NXPH3: variants seen among roughly 807,000 people sequenced by gnomAD.
NXPH3 encodes the protein neurexophilin-3.
NXPH3 carries 7 observed loss-of-function variants against 18.8 expected under a neutral mutation model. That is an observed-to-expected ratio of 0.37 (90% CI 0.21 to 0.70). The LOEUF (loss-of-function observed/expected upper bound fraction) is 0.70, where lower values mean the gene tolerates loss of function less well. Among genes scored for constraint, NXPH3 ranks in the 30% least tolerant of loss-of-function variants. The probability of loss-of-function intolerance (pLI) is 0.53; values close to 1 mark genes in which losing one functional copy is unlikely to be tolerated. For missense variants in NXPH3, 282 were observed against 338.1 expected, an observed-to-expected ratio of 0.83 and a Z score of 1.30; for synonymous variants, 101 against 137.3, an observed-to-expected ratio of 0.74 and a Z score of 1.85.
rs1040673009 is a variant in NXPH3 at position 49,579,374 on chromosome 17, C to T, written c.*74C>T. The T allele has an allele frequency of 1.5e-5, 20 of 1,335,370 alleles. No individual in the cohort carries two copies. Among genetic ancestry groups the T allele is most frequent in the East Asian group, 9.3e-5 (4 of 43,008 alleles). 82.7% of individuals were successfully genotyped at this position (1,335,370 alleles called of 1,614,324 possible). On this transcript the variant is annotated 3_prime_UTR_variant, in exon 2 of 2. Coordinates refer to ENST00000328741, the MANE Select transcript of NXPH3 (RefSeq NM_007225.4). This position sits in a 1 kb window ranked among gnomAD's most constrained non-coding sequence, Gnocchi z 6.0. ...CCCATGCAGGAGACCATCTGGACAC[C>T]GGGCAGGGAAGGGGTTGGGCCTCAG...
rs2071589733 is a variant in NXPH3 at position 49,579,539 on chromosome 17, GCT to G, written c.*244_*245del. On this transcript the variant is annotated 3_prime_UTR_variant, in exon 2 of 2. Coordinates refer to ENST00000328741, the MANE Select transcript of NXPH3 (RefSeq NM_007225.4). The surrounding 1 kb of genome is among the most constrained non-coding windows in gnomAD (Gnocchi z 6.0). ...CACAGGAGCACTGGAGGAGGAGTGG[GCT>G]CTCTGTGCAGCCTCACAGGGCTTTG... The G allele has an allele frequency of 1.8e-6, 1 of 551,602 alleles. No individual in the cohort carries two copies. Among genetic ancestry groups the G allele is most frequent in the Non-Finnish European group, 3.2e-6 (1 of 309,442 alleles). The allele number at this position is 551,602 out of a possible 1,614,324, so 34.2% of individuals were successfully genotyped here. A position where few individuals can be genotyped will look rare whatever the true frequency, so the allele number is the denominator to read the frequency against.
chr17:49,578,667 C>G lies in NXPH3; in HGVS notation c.126C>G (p.Pro42=). 6.2e-7 allele frequency: 1 copy of G among 1,610,474 alleles called. No individual in the cohort carries two copies. Among genetic ancestry groups the G allele is most frequent in the South Asian group, 1.1e-5 (1 of 90,588 alleles). ...AGCGTGATGACCACGAGGGCCAGCC[C>G]CGGCCCCGGGTGCCTCGGAAGCGGG... ...DPERDDHEGQ[P]RPRVPRKRGH... The change falls in exon 2 of 2, where the codon CCC becomes CCG. Residue 42 remains proline, a synonymous_variant. Coordinates refer to ENST00000328741, the MANE Select transcript of NXPH3 (RefSeq NM_007225.4). This position sits in a 1 kb window ranked among gnomAD's most constrained non-coding sequence, Gnocchi z 4.5.
chr17:49,582,687 G>A lies in NXPH3; in HGVS notation c.*3387G>A, dbSNP rs149137113. ...CCCTGAGGGCAAGAACTGTGCTATG[G>A]ATGGGAGGGGGACAGCTTGCCTTTT... On this transcript the variant is annotated 3_prime_UTR_variant, in exon 2 of 2. Coordinates refer to ENST00000328741, the MANE Select transcript of NXPH3 (RefSeq NM_007225.4). 2.0e-5 allele frequency: 3 copies of A among 152,404 alleles called. No individual in the cohort carries two copies. Among genetic ancestry groups the A allele is most frequent in the Non-Finnish European group, 4.4e-5 (3 of 68,082 alleles). The allele number at this position is 152,404 out of a possible 1,614,324, so 9.4% of individuals were successfully genotyped here. A position where few individuals can be genotyped will look rare whatever the true frequency, so the allele number is the denominator to read the frequency against.
rs895272022 is a variant in NXPH3 at position 49,576,525 on chromosome 17, C to T, written c.54+252C>T. Among the ~76,000 whole-genome samples, 12 of 151,984 alleles carry T rather than the reference C, an allele frequency of 7.9e-5. 1 individual carries two copies. Among genetic ancestry groups the T allele is most frequent in the Admixed American group, 7.2e-4 (11 of 15,306 alleles). On this transcript the variant is annotated intron_variant, in intron 1 of 1. Transcript: ENST00000328741. ...GGTGGCTGGAGGTGCGACCAGCGCTCGGAAAAAGGCCTGGAGCCGGGTCGC... is the reference window on the plus strand; with the variant it reads ...GGTGGCTGGAGGTGCGACCAGCGCTTGGAAAAAGGCCTGGAGCCGGGTCGC...
At position 49,578,626 on chromosome 17, in the gene NXPH3, G is replaced by A. The variant is rs140287259; in HGVS notation, c.85G>A (p.Gly29Ser). ...CTGTGGCCAGGATGATGGTCCTCCCGGCTCAGAGGACCCTGAGCGTGATGA... is the reference window on the plus strand; with the variant it reads ...CTGTGGCCAGGATGATGGTCCTCCCAGCTCAGAGGACCCTGAGCGTGATGA... ...VICGQDDGPP[G>S]SEDPERDDHE... Residue 29 changes from glycine (G) to serine (S), a missense_variant, in exon 2 of 2, where the codon GGC becomes AGC. Coordinates refer to ENST00000328741, the MANE Select transcript of NXPH3 (RefSeq NM_007225.4). The surrounding 1 kb of genome is among the most constrained non-coding windows in gnomAD (Gnocchi z 4.5). 4.8e-5 allele frequency: 76 copies of A among 1,580,832 alleles called. No individual in the cohort carries two copies. Among genetic ancestry groups the A allele is most frequent in the Middle Eastern group, 1.8e-4 (1 of 5,542 alleles).
At position 49,579,639 on chromosome 17, in the gene NXPH3, T is replaced by C. The variant is rs1388205247; in HGVS notation, c.*339T>C. 1 of 284,124 alleles carries C rather than the reference T, an allele frequency of 3.5e-6. No individual in the cohort carries two copies. The highest frequency in any genetic ancestry group is 6.7e-5 in the East Asian group (1 of 14,984). 17.6% of individuals were successfully genotyped at this position (284,124 alleles called of 1,614,324 possible). ...CCGATCAGTGTGGCCCCAGATCAAG[T>C]CATGGGAGGAAGCTAAGCCCTTGGT... On this transcript the variant is annotated 3_prime_UTR_variant, in exon 2 of 2. Transcript: ENST00000328741. This position sits in a 1 kb window ranked among gnomAD's most constrained non-coding sequence, Gnocchi z 6.0.
chr17:49,578,742 GCTGCTGGCCCCGC>G lies in NXPH3; in HGVS notation c.205_217del (p.Leu69GlyfsTer24), dbSNP rs2071583889. ...CCATGGCCAATTCCACTCTCCTAGG[GCTGCTGGCCCCGC>G]CTGGGGAGGCTTGGGGCATTCTTGG... On this transcript the variant is annotated frameshift_variant, in exon 2 of 2. Coordinates refer to ENST00000328741, the MANE Select transcript of NXPH3 (RefSeq NM_007225.4). LOFTEE classifies it high-confidence loss of function. The surrounding 1 kb of genome is among the most constrained non-coding windows in gnomAD (Gnocchi z 4.5). The G allele has an allele frequency of 6.2e-7, 1 of 1,613,460 alleles. No individual in the cohort carries two copies. The highest frequency in any genetic ancestry group is 8.5e-7 in the Non-Finnish European group (1 of 1,179,992).
Position 49,579,721 on chromosome 17 carries a change from C to A in NXPH3, c.*421C>A. On this transcript the variant is annotated 3_prime_UTR_variant, in exon 2 of 2. Transcript: ENST00000328741. The surrounding 1 kb of genome is among the most constrained non-coding windows in gnomAD (Gnocchi z 6.0). ...GAGGGGGAGATTTCATCAGTGTGGA[C>A]AGCCTGTCAACTTAGGATGGATGGC... 5.3e-6 allele frequency: 1 copy of A among 188,810 alleles called. No homozygotes were observed. The highest frequency in any genetic ancestry group is 1.1e-5 in the Non-Finnish European group (1 of 90,440). The allele number at this position is 188,810 out of a possible 1,614,324, so 11.7% of individuals were successfully genotyped here.
Position 49,578,484 on chromosome 17 carries a change from G to A in NXPH3, c.55-112G>A, listed in dbSNP as rs1462839566. On this transcript the variant is annotated intron_variant, in intron 1 of 1. Transcript: ENST00000328741. This position sits in a 1 kb window ranked among gnomAD's most constrained non-coding sequence, Gnocchi z 4.5. ...CCCAGCTTCAGTGGGCAAGACGCAGGAGCTCCTCACCCAGGTCAGAGTGAA... is the reference window on the plus strand; with the variant it reads ...CCCAGCTTCAGTGGGCAAGACGCAGAAGCTCCTCACCCAGGTCAGAGTGAA... 1.2e-6 allele frequency: 1 copy of A among 809,900 alleles called. No individual in the cohort carries two copies. Among genetic ancestry groups the A allele is most frequent in the Non-Finnish European group, 1.9e-6 (1 of 514,344 alleles). The allele number at this position is 809,900 out of a possible 1,614,324, so 50.2% of individuals were successfully genotyped here. A position where few individuals can be genotyped will look rare whatever the true frequency, so the allele number is the denominator to read the frequency against.
chr17:49,577,776 T>C (rs1274714078), intron 1 of NXPH3: 3 of 152,286 alleles, frequency 2.0e-5, no homozygotes, highest in Non-Finnish European at 2.9e-5. Flanking sequence ...TACCTCAGAA[T>C]GCAAGTAACA....
rs760529741 is a variant in NXPH3 at position 49,578,592 on chromosome 17, A to T, written c.55-4A>T. 6.5e-7 allele frequency: 1 copy of T among 1,548,948 alleles called. No homozygotes were observed. Among genetic ancestry groups the T allele is most frequent in the African/African-American group, 1.4e-5 (1 of 72,918 alleles). On this transcript the variant is annotated splice_polypyrimidine_tract_variant and splice_region_variant and intron_variant, in intron 1 of 1. Coordinates refer to ENST00000328741, the MANE Select transcript of NXPH3 (RefSeq NM_007225.4). The surrounding 1 kb of genome is among the most constrained non-coding windows in gnomAD (Gnocchi z 4.5). ...TCTCACTGTACTCACAACTCCCTCC[A>T]TAGGTCATCTGTGGCCAGGATGATG...
rs749272517 is a variant in NXPH3, at chr17:49,576,209, G to T, written c.-11G>T. The T allele has an allele frequency of 6.4e-7, 1 of 1,564,292 alleles. No homozygotes were observed. Among genetic ancestry groups the T allele is most frequent in the South Asian group, 1.2e-5 (1 of 84,884 alleles). On this transcript the variant is annotated 5_prime_UTR_variant, in exon 1 of 2. Transcript: ENST00000328741. Reference sequence around the variant, plus strand: ...AAGGGGAGAGCGAGGGGACGAGAGCGGAGGAGGAAGATGCAACTGACTCGC... The same window carrying T: ...AAGGGGAGAGCGAGGGGACGAGAGCTGAGGAGGAAGATGCAACTGACTCGC...
Position 49,581,706 on chromosome 17 carries a change from G to C in NXPH3, c.*2406G>C. ...ACCGTGTGCCGTTCAGCCTCCCACA[G>C]TGCTGTGGAGACTGCAGGAAGGAGG... On this transcript the variant is annotated 3_prime_UTR_variant, in exon 2 of 2. Coordinates refer to ENST00000328741, the MANE Select transcript of NXPH3 (RefSeq NM_007225.4). The C allele has an allele frequency of 1.4e-6, 1 of 702,586 alleles. No homozygotes were observed. Among genetic ancestry groups the C allele is most frequent in the South Asian group, 1.5e-5 (1 of 67,604 alleles). The allele number at this position is 702,586 out of a possible 1,614,324, so 43.5% of individuals were successfully genotyped here.
chr17:49,581,353 GCCCTTTGGGC>G lies in NXPH3; in HGVS notation c.*2056_*2065del. On this transcript the variant is annotated 3_prime_UTR_variant, in exon 2 of 2. Transcript: ENST00000328741. ...CTCTCTTGGGAGGGCAGCACTCAGG[GCCCTTTGGGC>G]CCTCTTGAGGAGAGGAGAGTCCTGG... is the stretch of plus-strand genomic sequence containing the variant. 1 of 556,030 alleles carries G rather than the reference GCCCTTTGGGC, an allele frequency of 1.8e-6. No individual in the cohort carries two copies. Among genetic ancestry groups the G allele is most frequent in the Non-Finnish European group, 3.2e-6 (1 of 316,794 alleles). 34.4% of individuals were successfully genotyped at this position (556,030 alleles called of 1,614,324 possible).
Position 49,581,414 on chromosome 17 carries a change from C to G in NXPH3, c.*2114C>G, listed in dbSNP as rs191162023. 1.0e-5 allele frequency: 6 copies of G among 596,074 alleles called. No individual in the cohort carries two copies. Among genetic ancestry groups the G allele is most frequent in the East Asian group, 8.4e-5 (3 of 35,820 alleles). 36.9% of individuals were successfully genotyped at this position (596,074 alleles called of 1,614,324 possible). A position where few individuals can be genotyped will look rare whatever the true frequency, so the allele number is the denominator to read the frequency against. On this transcript the variant is annotated 3_prime_UTR_variant, in exon 2 of 2. Transcript: ENST00000328741. ...CAGTAAGGTAAGATGGGCTTGCCAC[C>G]CCCCACCTTTCGCCCCTGCCCACCA...
In NXPH3 at chr17:49,583,817, T is replaced by C. The variant is rs1567760841; in HGVS notation, c.*4517T>C. The C allele has an allele frequency of 1.3e-5, 2 of 152,218 alleles. No homozygotes were observed. The highest frequency in any genetic ancestry group is 2.9e-5 in the Non-Finnish European group (2 of 68,032). The allele number at this position is 152,218 out of a possible 1,614,324, so 9.4% of individuals were successfully genotyped here. A position where few individuals can be genotyped will look rare whatever the true frequency, so the allele number is the denominator to read the frequency against. ...AAATGAGTTGCTCAATAAATGTTACTTCCTCCTGTCTTTTTTTTTCTAAGA... is the reference window on the plus strand; with the variant it reads ...AAATGAGTTGCTCAATAAATGTTACCTCCTCCTGTCTTTTTTTTTCTAAGA... On this transcript the variant is annotated 3_prime_UTR_variant, in exon 2 of 2. Coordinates refer to ENST00000328741, the MANE Select transcript of NXPH3 (RefSeq NM_007225.4).
chr17:49,576,410 G>A (rs2071571359), intron 1 of NXPH3, 137 bp downstream of exon 1: 1 of 991,298 alleles, frequency 1.0e-6, no homozygotes, highest in Non-Finnish European at 1.5e-6. Flanking sequence ...GGAGGCTGGG[G>A]GAGAGGGCGG....
Position 49,575,996 on chromosome 17 carries a change from G to C in NXPH3, c.-224G>C. On this transcript the variant is annotated 5_prime_UTR_variant, in exon 1 of 2. Transcript: ENST00000328741. The surrounding 1 kb of genome is among the most constrained non-coding windows in gnomAD (Gnocchi z 4.3). ...TCGGGGCGCACATCTGGGACCTCGA[G>C]CGGGGGCCGTGCCGCGCGCAGCTGG... The C allele has an allele frequency of 1.9e-6, 1 of 522,784 alleles. No homozygotes were observed. Among genetic ancestry groups the C allele is most frequent in the Non-Finnish European group, 3.3e-6 (1 of 301,772 alleles). The allele number at this position is 522,784 out of a possible 1,614,324, so 32.4% of individuals were successfully genotyped here.
rs982032549 is a variant in NXPH3 at position 49,578,792 on chromosome 17, A to G, written c.251A>G (p.Asn84Ser). Residue 84 changes from asparagine (N) to serine (S), a missense_variant, in exon 2 of 2, where the codon AAC becomes AGC. Physicochemically the swap from Asn to Ser is conservative, Grantham distance 46. Coordinates refer to ENST00000328741, the MANE Select transcript of NXPH3 (RefSeq NM_007225.4). This position sits in a 1 kb window ranked among gnomAD's most constrained non-coding sequence, Gnocchi z 4.5. Reference protein sequence around the residue: ...EAWGILGQPPNRPNHSPPPSA... With the variant: ...EAWGILGQPPSRPNHSPPPSA... ...TGGGGCATTCTTGGGCAGCCCCCCA[A>G]CCGCCCGAACCACAGCCCCCCACCC... 1.5e-5 allele frequency: 25 copies of G among 1,613,650 alleles called. No homozygotes were observed. Among genetic ancestry groups the G allele is most frequent in the East Asian group, 4.5e-5 (2 of 44,896 alleles).
Sources: allele counts gnomAD v4.1 joint callset (sites outside exome capture counted in the v4.1 genomes callset), GRCh38; gene constraint gnomAD v4.1.1; non-coding constraint Gnocchi (gnomAD v3.1); transcripts MANE v1.5; gene names NCBI Gene and HGNC (gene_info 2026-07-23, HGNC 2026-07-21).